Variants in OCM observed in about 807,000 individuals in gnomAD.
OCM encodes oncomodulin-1.
Under a neutral mutation model 14.1 loss-of-function variants are expected in OCM, and 18 were observed. The ratio of observed to expected loss-of-function variants is 1.28; its 90% CI spans 0.88 to 1.89. The LOEUF is 1.89. Among genes scored for constraint, OCM ranks in the 40% most tolerant of loss-of-function variants. OCM has a pLI of 0.00. For missense variants in OCM, 140 were observed against 137.6 expected (o/e 1.02, Z -0.09); for synonymous variants, 48 against 51.0 (o/e 0.94, Z 0.25).
chr7:5,860,950 A>G, the OCM span, among the ~76,000 whole-genome samples: 1 of 151,930 alleles, frequency 6.6e-6, no homozygotes, highest in South Asian at 2.1e-4. Flanking sequence ...GAGCAAAAAC[A>G]GCAAGAACAG....
the OCM span, among the ~76,000 whole-genome samples, chr7:5,864,640 T>C: frequency 2.6e-5 from 4 of 152,046 alleles, no homozygotes; most frequent in African/African-American, 9.7e-5. Flanking sequence ...ATTAAGCCTT[T>C]TGGGCAAAGT....
In OCM at chr7:5,882,604, A is replaced by G. The variant is rs1170279995; in HGVS notation, c.173A>G (p.Tyr58Cys). The change falls in exon 2 of 4, where the codon TAC becomes TGC. Residue 58 changes from tyrosine to cysteine, a missense_variant. Tyr to Cys is a radical substitution (Grantham distance 194). Coordinates refer to ENST00000242104, the MANE Select transcript of OCM (RefSeq NM_001097622.2). ...TTCATAGACAACGACCAGAGCGGGTACCTGGATGAAGAAGAGCTTAAGTAA... is the reference window on the plus strand; with the variant it reads ...TTCATAGACAACGACCAGAGCGGGTGCCTGGATGAAGAAGAGCTTAAGTAA... ...FRFIDNDQSG[Y>C]LDEEELKFFL... 3 of 1,614,090 alleles carry G rather than the reference A, an allele frequency of 1.9e-6. No homozygotes were observed. The highest frequency in any genetic ancestry group is 4.5e-5 in the East Asian group (2 of 44,872).
the OCM span, among the ~76,000 whole-genome samples, chr7:5,863,589 A>G: frequency 4.0e-5 from 6 of 150,564 alleles, no homozygotes; most frequent in Non-Finnish European, 8.9e-5. Context: ...CTGGAGTGCA[A>G]TGACATGATC....
At chr7:5,881,503 G>C (rs1184395323) in intron 1 of OCM, among the ~76,000 whole-genome samples, 1 of 151,898 alleles carries the variant, frequency 6.6e-6, no homozygotes, top group Non-Finnish European at 1.5e-5. Flanking sequence ...GGTGGCATGT[G>C]CCTGTGGTCC....
At chr7:5,864,176 C>T in the OCM span, among the ~76,000 whole-genome samples, 1 of 151,098 alleles carries the variant, frequency 6.6e-6, no homozygotes, top group African/African-American at 2.4e-5. Context: ...CCCGTCTCTA[C>T]AAAAAATAAA....
chr7:5,859,741 AGG>A, the OCM span, among the ~76,000 whole-genome samples: 1 of 151,866 alleles, frequency 6.6e-6, no homozygotes, highest in Non-Finnish European at 1.5e-5. Context: ...CTTGTTGTCC[AGG>A]CTGGAGTGCA....
chr7:5,868,775 A>C, the OCM span, among the ~76,000 whole-genome samples: 1 of 152,088 alleles, frequency 6.6e-6, no homozygotes, highest in African/African-American at 2.4e-5. Flanking sequence ...CATGCTACTG[A>C]GTCCAGGCCG....
At chr7:5,873,423 G>T in the OCM span, among the ~76,000 whole-genome samples, 1 of 152,026 alleles carries the variant, frequency 6.6e-6, no homozygotes, top group African/African-American at 2.4e-5. Context: ...AATTAGCCTG[G>T]GGTGGTGGTA....
At chr7:5,865,533 C>T in the OCM span, among the ~76,000 whole-genome samples, 6 of 152,158 alleles carry the variant, frequency 3.9e-5, no homozygotes, top group East Asian at 5.8e-4. Context: ...TTATGGTGGC[C>T]ATCCCATTCC....
the OCM span, among the ~76,000 whole-genome samples, chr7:5,869,326 G>T: frequency 2.0e-5 from 3 of 151,926 alleles, no homozygotes; most frequent in Non-Finnish European, 4.4e-5. Context: ...GGCTGGGCAC[G>T]GTGGCTCATG....
the OCM span, among the ~76,000 whole-genome samples, chr7:5,860,139 C>G: frequency 3.9e-5 from 6 of 151,934 alleles, 1 homozygote; most frequent in African/African-American, 1.2e-4. Context: ...GATGCCAGCT[C>G]TCTCATTATG....
At chr7:5,864,990 G>A in the OCM span, among the ~76,000 whole-genome samples, 1 of 151,960 alleles carries the variant, frequency 6.6e-6, no homozygotes, top group African/African-American at 2.4e-5. Context: ...CAGGAATTTT[G>A]ACTGGCATGA....
upstream of OCM, among the ~76,000 whole-genome samples, chr7:5,875,355 C>G (rs555788825): frequency 4.6e-5 from 7 of 152,184 alleles, no homozygotes; most frequent in Non-Finnish European, 7.4e-5. Flanking sequence ...CGGCGCCCGG[C>G]CTGAATCAAT....
At chr7:5,872,297 G>A in the OCM span, among the ~76,000 whole-genome samples, 1 of 152,080 alleles carries the variant, frequency 6.6e-6, no homozygotes, top group African/African-American at 2.4e-5. Context: ...TCCTTTTCAC[G>A]CAGCCCTAAG....
At chr7:5,865,258 A>T in the OCM span, among the ~76,000 whole-genome samples, 2 of 152,170 alleles carry the variant, frequency 1.3e-5, no homozygotes, top group Admixed American at 6.6e-5. Flanking sequence ...CCAAAAGGCT[A>T]AATTATTAAG....
chr7:5,876,154 C>T (rs563772615), upstream of OCM, among the ~76,000 whole-genome samples: 4 of 152,192 alleles, frequency 2.6e-5, no homozygotes, highest in South Asian at 6.2e-4. Context: ...TACAGGCATG[C>T]ACCACCACGC....
the OCM span, among the ~76,000 whole-genome samples, chr7:5,869,772 A>G: frequency 6.6e-6 from 1 of 151,854 alleles, no homozygotes. Context: ...CATAATCCGC[A>G]CGTGCTTGCC....
chr7:5,866,148 C>CT, the OCM span, among the ~76,000 whole-genome samples: 1 of 151,192 alleles, frequency 6.6e-6, no homozygotes, highest in African/African-American at 2.4e-5. Flanking sequence ...TAGCAAAACC[C>CT]CAGTCTCTAC....
chr7:5,877,387 G>T (rs532762992), upstream of OCM, among the ~76,000 whole-genome samples: 1 of 151,832 alleles, frequency 6.6e-6, no homozygotes, highest in South Asian at 2.1e-4. Context: ...AGGATTGCCT[G>T]AGCCCAGGAG....
Sources: allele counts gnomAD v4.1 joint callset (sites outside exome capture counted in the v4.1 genomes callset), GRCh38; gene constraint gnomAD v4.1.1; transcripts MANE v1.5; gene names NCBI Gene and HGNC (gene_info 2026-07-23, HGNC 2026-07-21).